SLC4A10: variants seen among roughly 807,000 people sequenced by gnomAD.
SLC4A10 encodes solute carrier family 4 member 10.
Under a neutral mutation model 137.7 loss-of-function variants are expected in SLC4A10, and 42 were observed. The ratio of observed to expected loss-of-function variants is 0.30; its 90% CI spans 0.24 to 0.39. SLC4A10 has a LOEUF of 0.39. Among genes scored for constraint, SLC4A10 ranks in the 10% least tolerant of loss-of-function variants. SLC4A10 has a pLI of 1.00. For missense variants in SLC4A10, 925 were observed against 1,355.0 expected, an observed-to-expected ratio of 0.68 and a Z score of 4.98; for synonymous variants, 474 against 464.1, an observed-to-expected ratio of 1.02 and a Z score of -0.27.
intron 24 of SLC4A10, among the ~76,000 whole-genome samples, chr2:161,974,728 TAATC>T (rs1315550044): frequency 6.6e-6 from 1 of 152,192 alleles, no homozygotes; most frequent in Non-Finnish European, 1.5e-5. Flanking sequence ...TCCAATGACA[TAATC>T]TATTTCTTAA....
intron 1 of SLC4A10, among the ~76,000 whole-genome samples, chr2:161,650,100 TACA>T (rs1394765324): frequency 6.6e-6 from 1 of 152,252 alleles, no homozygotes; most frequent in Non-Finnish European, 1.5e-5. Flanking sequence ...TCATCAAGAA[TACA>T]ACATTGAACT....
chr2:161,893,212 G>T (rs1450052312), intron 10 of SLC4A10, among the ~76,000 whole-genome samples: 2 of 152,126 alleles, frequency 1.3e-5, no homozygotes, highest in African/African-American at 4.8e-5. Context: ...AAGAAAACCT[G>T]GAATATCTGT....
intron 2 of SLC4A10, among the ~76,000 whole-genome samples, chr2:161,775,998 A>G (rs1385910203): frequency 6.6e-6 from 1 of 151,894 alleles, no homozygotes; most frequent in Non-Finnish European, 1.5e-5. Context: ...TAAACAATGG[A>G]CTGTTTATCT....
intron 1 of SLC4A10, among the ~76,000 whole-genome samples, chr2:161,669,000 G>A (rs895746300): frequency 2.6e-5 from 4 of 151,778 alleles, no homozygotes; most frequent in African/African-American, 9.7e-5. Context: ...TGTGTAGAAG[G>A]TCTTTTCCCT....
intron 12 of SLC4A10, chr2:161,902,222 C>T (rs541179725): frequency 1.1e-4 from 44 of 393,630 alleles, no homozygotes; most frequent in African/African-American, 6.8e-4. Context: ...ATTTATTACA[C>T]AGTACTATAA....
In SLC4A10 at chr2:161,949,159, A is replaced by G. The variant is rs1694351024; in HGVS notation, c.2277A>G (p.Ile759Met). 5 of 1,608,660 alleles carry G rather than the reference A, an allele frequency of 3.1e-6. No individual in the cohort carries two copies. The highest frequency in any genetic ancestry group is 4.2e-6 in the Non-Finnish European group (5 of 1,176,906). Residue 759 changes from isoleucine to methionine, a missense_variant, in exon 18 of 27, where the codon ATA becomes ATG. By Grantham distance (10) the Ile-to-Met change is conservative. This residue lies in a region of SLC4A10 where 82 missense variants were observed against 151.4 expected (regional missense o/e 0.54). Coordinates refer to ENST00000446997, the MANE Select transcript of SLC4A10 (RefSeq NM_001178015.2). ...SRYFPTKVRSIVSDFAVFLTI... is the reference protein window; with the variant it reads ...SRYFPTKVRSMVSDFAVFLTI... ...TTCATTATTTTTAGGTTCGATCCAT[A>G]GTGAGTGACTTTGCTGTCTTTCTTA...
intron 1 of SLC4A10, among the ~76,000 whole-genome samples, chr2:161,681,813 A>G (rs2040883592): frequency 6.6e-6 from 1 of 152,064 alleles, no homozygotes; most frequent in African/African-American, 2.4e-5. Flanking sequence ...ATGAAAACCT[A>G]ATTGTGGGAA....
At chr2:161,965,254 T>C (rs1697383440) in intron 23 of SLC4A10, 81 bp downstream of exon 23, 1 of 1,427,764 alleles carries the variant, frequency 7.0e-7, no homozygotes, top group Non-Finnish European at 9.4e-7. Context: ...TTATTGTTTT[T>C]ATCTTTAGAC....
At chr2:161,670,603 G>C (rs2039585798) in intron 1 of SLC4A10, among the ~76,000 whole-genome samples, 1 of 151,692 alleles carries the variant, frequency 6.6e-6, no homozygotes, top group African/African-American at 2.4e-5. Context: ...ATTTATTATG[G>C]GATATTTATA....
At chr2:161,756,234 C>G (rs1007092379) in intron 1 of SLC4A10, among the ~76,000 whole-genome samples, 2 of 152,070 alleles carry the variant, frequency 1.3e-5, no homozygotes, top group African/African-American at 4.8e-5. Flanking sequence ...AGTATTTAAT[C>G]TCTACAAATA....
intron 3 of SLC4A10, among the ~76,000 whole-genome samples, chr2:161,826,381 CT>C (rs1448045063): frequency 1.1e-4 from 16 of 152,168 alleles, no homozygotes; most frequent in African/African-American, 3.9e-4. Context: ...GGCTTGTGTA[CT>C]TCATGACAGC....
intron 1 of SLC4A10, among the ~76,000 whole-genome samples, chr2:161,743,518 A>G (rs554317079): frequency 4.6e-5 from 7 of 152,092 alleles, no homozygotes; most frequent in Admixed American, 3.9e-4. Context: ...TTTGGTTACT[A>G]TAGCTCTATA....
intron 15 of SLC4A10, among the ~76,000 whole-genome samples, chr2:161,933,225 TTCTTTC>T (rs1690868770): frequency 6.9e-6 from 1 of 145,588 alleles, no homozygotes; most frequent in Non-Finnish European, 1.5e-5. Flanking sequence ...CTTTCTTTCT[TTCTTTC>T]TTTCTTTCTT....
At chr2:161,933,473 G>T (rs1477458534) in intron 15 of SLC4A10, among the ~76,000 whole-genome samples, 1 of 151,478 alleles carries the variant, frequency 6.6e-6, no homozygotes, top group African/African-American at 2.4e-5. Context: ...GCTCACTGCA[G>T]CCTGGAACTC....
At chr2:161,970,888 A>G (rs1164456550) in intron 23 of SLC4A10, among the ~76,000 whole-genome samples, 1 of 152,190 alleles carries the variant, frequency 6.6e-6, no homozygotes, top group Non-Finnish European at 1.5e-5. Flanking sequence ...TTCCGCCTCT[A>G]CTCAGCACAG....
At chr2:161,734,577 A>AT (rs1194877042) in intron 1 of SLC4A10, among the ~76,000 whole-genome samples, 4 of 152,138 alleles carry the variant, frequency 2.6e-5, no homozygotes, top group Admixed American at 1.3e-4. Flanking sequence ...GTATTCATTT[A>AT]TTTTGTACTC....
intron 1 of SLC4A10, among the ~76,000 whole-genome samples, chr2:161,711,330 G>A (rs368033070): frequency 6.6e-6 from 1 of 151,710 alleles, no homozygotes. Context: ...TTATGGAAGG[G>A]GTTTTGACTT....
At chr2:161,815,252 T>C (rs904771919) in intron 3 of SLC4A10, among the ~76,000 whole-genome samples, 11 of 152,154 alleles carry the variant, frequency 7.2e-5, no homozygotes, top group African/African-American at 2.4e-4. Flanking sequence ...GTAATCCCCA[T>C]GTGTCCAAGG....
At chr2:161,896,150 G>A (rs1301349062) in intron 11 of SLC4A10, among the ~76,000 whole-genome samples, 2 of 152,004 alleles carry the variant, frequency 1.3e-5, no homozygotes, top group Non-Finnish European at 2.9e-5. Context: ...AGTTTTCCCA[G>A]CACCATTTAT....
Sources: allele counts gnomAD v4.1 joint callset (sites outside exome capture counted in the v4.1 genomes callset), GRCh38; gene constraint gnomAD v4.1.1; regional missense constraint gnomAD v4.1.1; transcripts MANE v1.5; gene names NCBI Gene and HGNC (gene_info 2026-07-23, HGNC 2026-07-21).